Variants in JARID2 observed in about 807,000 individuals in gnomAD.
JARID2 encodes protein Jumonji.
A neutral mutation model predicts 125.6 loss-of-function variants in JARID2; 21 were observed. The observed-to-expected ratio is 0.17, with a 90% CI of 0.12 to 0.24. The LOEUF is 0.24. JARID2 is among the 10% of genes least tolerant of loss of function. The pLI, the probability that JARID2 is intolerant of heterozygous loss-of-function variation, is 1.00. For missense variants in JARID2, 1,303 were observed against 1,639.6 expected (o/e 0.79, Z 3.55); for synonymous variants, 736 against 661.6 (o/e 1.11, Z -1.73).
intron 1 of JARID2, among the ~76,000 whole-genome samples, chr6:15,289,583 G>T (rs1025201150): frequency 4.6e-5 from 7 of 151,988 alleles, no homozygotes; most frequent in Non-Finnish European, 5.9e-5. Context: ...AAGGCCGGGC[G>T]CAGTGAGTCA....
intron 3 of JARID2, among the ~76,000 whole-genome samples, chr6:15,451,642 T>C (rs1045708396): frequency 6.6e-6 from 1 of 152,204 alleles, no homozygotes; most frequent in East Asian, 1.9e-4. Context: ...TGTTTTCTTC[T>C]TTACTGTCAG....
At chr6:15,441,281 G>T (rs1767435448) in intron 3 of JARID2, among the ~76,000 whole-genome samples, 1 of 152,198 alleles carries the variant, frequency 6.6e-6, no homozygotes, top group South Asian at 2.1e-4. Flanking sequence ...ATTACTAATA[G>T]CGTTGATAGA....
chr6:15,495,526 G>A (rs1307877173), intron 6 of JARID2, among the ~76,000 whole-genome samples: 1 of 152,190 alleles, frequency 6.6e-6, no homozygotes, highest in Non-Finnish European at 1.5e-5. Context: ...CACACCTCTG[G>A]GCCTGGCCTG....
At chr6:15,405,130 A>G (rs1437055542) in intron 2 of JARID2, among the ~76,000 whole-genome samples, 5 of 152,244 alleles carry the variant, frequency 3.3e-5, no homozygotes, top group South Asian at 2.1e-4. Flanking sequence ...AACGCCCATC[A>G]TATAAGGCAA....
chr6:15,328,758 A>G (rs905854062), intron 1 of JARID2, among the ~76,000 whole-genome samples: 1 of 152,238 alleles, frequency 6.6e-6, no homozygotes, highest in African/African-American at 2.4e-5. Flanking sequence ...CTCTGTTTCA[A>G]ATTCACGATG....
intron 4 of JARID2, among the ~76,000 whole-genome samples, chr6:15,455,216 GATATGGGACTCTTA>G (rs1332978987): frequency 2.7e-5 from 4 of 150,554 alleles, no homozygotes; most frequent in Non-Finnish European, 5.9e-5. Context: ...AAACAATGGT[GATATGGGACTCTTA>G]ATTTGTGACT....
chr6:15,450,886 G>T (rs145306271), intron 3 of JARID2, among the ~76,000 whole-genome samples: 6 of 152,212 alleles, frequency 3.9e-5, no homozygotes, highest in African/African-American at 1.4e-4. Flanking sequence ...GGTGGCTCAC[G>T]CCTGTAATCC....
rs780653222 is a variant in JARID2, at chr6:15,512,912, C to T, written c.3136-3C>T. 1.9e-6 allele frequency: 3 copies of T among 1,613,506 alleles called. No homozygotes were observed. The African/African-American group carries it at 4.0e-5, about 22-fold the overall frequency. On this transcript the variant is annotated splice_polypyrimidine_tract_variant and splice_region_variant and intron_variant, in intron 14 of 17. Coordinates refer to ENST00000341776, the MANE Select transcript of JARID2 (RefSeq NM_004973.4). ...CCCTAAAGGGATGTGACTCCTCTTT[C>T]AGGAAATGAAGCGTCGCCATATAGC...
intron 16 of JARID2, among the ~76,000 whole-genome samples, chr6:15,515,128 C>T (rs1348745999): frequency 6.6e-6 from 1 of 151,978 alleles, no homozygotes; most frequent in Non-Finnish European, 1.5e-5. Flanking sequence ...CTCACTGTAG[C>T]CTCAACCTCC....
At chr6:15,283,532 C>CG (rs1468898295) in intron 1 of JARID2, among the ~76,000 whole-genome samples, 3 of 148,002 alleles carry the variant, frequency 2.0e-5, no homozygotes, top group Non-Finnish European at 3.0e-5. Flanking sequence ...TTATTAGAGA[C>CG]GGGATTTCAC....
At chr6:15,346,963 T>A (rs1250320472) in intron 1 of JARID2, among the ~76,000 whole-genome samples, 1 of 152,142 alleles carries the variant, frequency 6.6e-6, no homozygotes, top group East Asian at 1.9e-4. Flanking sequence ...CTCGAACTCC[T>A]GACCTTGTGA....
chr6:15,463,820 A>G (rs1768579423), intron 4 of JARID2, among the ~76,000 whole-genome samples: 1 of 152,180 alleles, frequency 6.6e-6, no homozygotes, highest in African/African-American at 2.4e-5. Flanking sequence ...CACCCATTTC[A>G]TACTGAGAAA....
At chr6:15,415,475 G>A (rs1340457667) in intron 3 of JARID2, among the ~76,000 whole-genome samples, 3 of 145,388 alleles carry the variant, frequency 2.1e-5, no homozygotes, top group African/African-American at 2.5e-5. Flanking sequence ...CGCACGGGGC[G>A]GCTGGCCGGG....
At chr6:15,406,306 C>T (rs1030305760) in intron 2 of JARID2, among the ~76,000 whole-genome samples, 2 of 152,116 alleles carry the variant, frequency 1.3e-5, no homozygotes, top group East Asian at 1.9e-4. Flanking sequence ...TGGTAGCGAA[C>T]GCCTATAGTC....
At position 15,362,751 on chromosome 6, in the gene JARID2, C is replaced by T. The variant is rs908993322; in HGVS notation, c.46-11366C>T. Among the ~76,000 whole-genome samples, 3 of 152,152 alleles carry T rather than the reference C, an allele frequency of 2.0e-5. No individual in the cohort carries two copies. In the East Asian group the frequency reaches 5.8e-4, roughly 29 times the overall value. ...CGTGGCTGTGTTTGTAGAGAAAGAA[C>T]GTGGGGTAGATGGTTGGAATTGGGA... On this transcript the variant is annotated intron_variant, in intron 1 of 17. Coordinates refer to ENST00000341776, the MANE Select transcript of JARID2 (RefSeq NM_004973.4).
chr6:15,373,431 A>T (rs755639284), intron 1 of JARID2, among the ~76,000 whole-genome samples: 1 of 152,208 alleles, frequency 6.6e-6, no homozygotes, highest in Non-Finnish European at 1.5e-5. Context: ...TTCTGGAGCA[A>T]CAGACATGAG....
At chr6:15,392,039 G>GGTGTGTGTGTGTGTGTGTGTGT (rs55811028) in intron 2 of JARID2, among the ~76,000 whole-genome samples, 28 of 122,718 alleles carry the variant, frequency 2.3e-4, no homozygotes, top group African/African-American at 7.8e-4. Context: ...ATCCCAGAGT[G>GGTGTGTGTGTGTGTGTGTGTGT]GTGTGTGTGT....
chr6:15,360,852 T>C (rs1472307295), intron 1 of JARID2, among the ~76,000 whole-genome samples: 1 of 151,916 alleles, frequency 6.6e-6, no homozygotes, highest in Non-Finnish European at 1.5e-5. Context: ...TCTGAAAACC[T>C]TGTTAGCCAA....
chr6:15,376,032 AGC>A (rs1764340491), intron 2 of JARID2, among the ~76,000 whole-genome samples: 2 of 152,264 alleles, frequency 1.3e-5, no homozygotes, highest in Non-Finnish European at 2.9e-5. Context: ...CAGTGCTGTC[AGC>A]CAGTTGGCCA....
Sources: allele counts gnomAD v4.1 joint callset (sites outside exome capture counted in the v4.1 genomes callset), GRCh38; gene constraint gnomAD v4.1.1; transcripts MANE v1.5; gene names NCBI Gene and HGNC (gene_info 2026-07-23, HGNC 2026-07-21).